Variants in PELI1 observed in about 807,000 individuals in gnomAD.
PELI1 encodes the protein pellino E3 ubiquitin protein ligase 1.
In PELI1, 15 loss-of-function variants were observed where a neutral mutation model predicts 41.3. That is an observed-to-expected ratio of 0.36 (90% CI 0.24 to 0.56). The LOEUF is 0.56. Among genes scored for constraint, PELI1 ranks in the 20% least tolerant of loss-of-function variants. The pLI is 0.82. For synonymous variants in PELI1, 178 were observed against 180.1 expected (o/e 0.99, Z 0.09); for missense variants, 403 against 525.5 (o/e 0.77, Z 2.28).
intron 1 of PELI1, among the ~76,000 whole-genome samples, chr2:64,117,937 G>C (rs1814406): frequency 0.23 from 35,115 of 151,808 alleles, 5,251 homozygotes; most frequent in East Asian, 0.74. Flanking sequence ...AGCCTCCTAA[G>C]TAGCTGGGAC....
chr2:64,120,514 T>C (rs956513177), intron 1 of PELI1, among the ~76,000 whole-genome samples: 4 of 152,278 alleles, frequency 2.6e-5, no homozygotes, highest in Admixed American at 2.0e-4. Context: ...AGATGCTTGA[T>C]ATTCTTTTAT....
intron 4 of PELI1, among the ~76,000 whole-genome samples, chr2:64,099,588 A>T (rs1448996695): frequency 6.6e-6 from 1 of 152,212 alleles, no homozygotes; most frequent in East Asian, 1.9e-4. Flanking sequence ...TTCACTATTG[A>T]CTGAAATTAA....
At chr2:64,107,538 A>C (rs1680660692) in intron 2 of PELI1, among the ~76,000 whole-genome samples, 1 of 152,236 alleles carries the variant, frequency 6.6e-6, no homozygotes, top group South Asian at 2.1e-4. Context: ...CAAAAGAATA[A>C]ATGAAGACTA....
chr2:64,094,868 A>C lies in PELI1; in HGVS notation c.1091T>G (p.Phe364Cys). 6.2e-7 allele frequency: 1 copy of C among 1,614,222 alleles called. No individual in the cohort carries two copies. Among genetic ancestry groups the C allele is most frequent in the Non-Finnish European group, 8.5e-7 (1 of 1,180,044 alleles). The stretch of plus-strand genomic sequence containing the variant: ...TGAACACACATGCCCACACGGGCTA[A>C]ACGCATGGGTTGGAGGGCCGGCGTC... ...YVDAGPPTHAFSPCGHVCSEK... is the reference protein window; with the variant it reads ...YVDAGPPTHACSPCGHVCSEK... Residue 364 changes from phenylalanine to cysteine, a missense_variant, in exon 7 of 7, where the codon TTT (phenylalanine) becomes TGT (cysteine). Phe to Cys is a radical substitution (Grantham distance 205). Transcript: ENST00000358912.
intron 1 of PELI1, among the ~76,000 whole-genome samples, chr2:64,143,729 T>C (rs1681997476): frequency 1.3e-5 from 2 of 152,234 alleles, no homozygotes; most frequent in Non-Finnish European, 1.5e-5. Context: ...CCGCCCCTTT[T>C]GTTTCTCCCA....
chr2:64,139,263 T>C (rs1306545455), intron 1 of PELI1, among the ~76,000 whole-genome samples: 1 of 152,216 alleles, frequency 6.6e-6, no homozygotes, highest in African/African-American at 2.4e-5. Context: ...TTTCTTGCTA[T>C]TAATTTTTTG....
intron 1 of PELI1, among the ~76,000 whole-genome samples, chr2:64,131,407 T>C (rs977173689): frequency 1.3e-5 from 2 of 152,080 alleles, no homozygotes; most frequent in African/African-American, 4.8e-5. Flanking sequence ...GTAAGTGCTA[T>C]GAAAATAGTT....
intron 1 of PELI1, 25 bp from the exon 2 acceptor site, chr2:64,108,404 T>C: frequency 1.3e-6 from 1 of 758,244 alleles, no homozygotes; most frequent in South Asian, 1.5e-5. Flanking sequence ...TTTTCATTAA[T>C]AATGTGAACA....
chr2:64,122,342 T>TAA (rs59972052), intron 1 of PELI1, among the ~76,000 whole-genome samples: 18 of 100,546 alleles, frequency 1.8e-4, no homozygotes, highest in Admixed American at 3.0e-4. Flanking sequence ...CTCTGAAACT[T>TAA]AAAAAAAAAA....
intron 2 of PELI1, among the ~76,000 whole-genome samples, chr2:64,105,705 A>G (rs1439720093): frequency 6.6e-6 from 1 of 152,212 alleles, no homozygotes; most frequent in Non-Finnish European, 1.5e-5. Context: ...GAATTTAAGT[A>G]TGTTTGTCAT....
intron 4 of PELI1, 31 bp from the exon 5 acceptor site, chr2:64,096,641 C>A: frequency 6.9e-7 from 1 of 1,450,392 alleles, no homozygotes; most frequent in South Asian, 1.2e-5. Flanking sequence ...CCTATAAACC[C>A]ATTCAAAGAG....
At chr2:64,113,831 A>G (rs1680903187) in intron 1 of PELI1, among the ~76,000 whole-genome samples, 1 of 152,216 alleles carries the variant, frequency 6.6e-6, no homozygotes, top group South Asian at 2.1e-4. Flanking sequence ...ACTTTGTATA[A>G]TATCTGTCAG....
chr2:64,105,970 A>G (rs2103685703), intron 2 of PELI1, among the ~76,000 whole-genome samples: 1 of 152,340 alleles, frequency 6.6e-6, no homozygotes, highest in East Asian at 1.9e-4. Flanking sequence ...AGCTGAGAAG[A>G]GAGTTTACTC....
chr2:64,110,893 T>A (rs1407464889), intron 1 of PELI1, among the ~76,000 whole-genome samples: 3 of 151,112 alleles, frequency 2.0e-5, no homozygotes, highest in African/African-American at 7.3e-5. Context: ...ACCACTGCAC[T>A]CCAGCCTGGG....
At chr2:64,119,907 C>A (rs1393381310) in intron 1 of PELI1, among the ~76,000 whole-genome samples, 1 of 151,942 alleles carries the variant, frequency 6.6e-6, no homozygotes, top group African/African-American at 2.4e-5. Context: ...TTAAAAAAAA[C>A]ACAAAAATCA....
intron 4 of PELI1, among the ~76,000 whole-genome samples, chr2:64,097,571 T>C (rs1680286161): frequency 1.3e-5 from 2 of 152,088 alleles, no homozygotes; most frequent in African/African-American, 4.8e-5. Context: ...AAAAAGGAAA[T>C]CAATGGGGAG....
At chr2:64,105,454 C>T (rs1045678779) in intron 2 of PELI1, among the ~76,000 whole-genome samples, 2 of 152,100 alleles carry the variant, frequency 1.3e-5, no homozygotes, top group Non-Finnish European at 2.9e-5. Flanking sequence ...CACACACACA[C>T]ATATACATCC....
At chr2:64,095,797 C>T (rs182981629) in intron 6 of PELI1, among the ~76,000 whole-genome samples, 2 of 152,306 alleles carry the variant, frequency 1.3e-5, no homozygotes, top group Admixed American at 6.5e-5. Context: ...GCATGCGCCA[C>T]CATGCCTGGC....
intron 2 of PELI1, among the ~76,000 whole-genome samples, chr2:64,107,320 G>C (rs1389958503): frequency 1.3e-5 from 2 of 152,186 alleles, no homozygotes. Flanking sequence ...GCAAGTTTAA[G>C]TGGAATAAAT....
Sources: allele counts gnomAD v4.1 joint callset (sites outside exome capture counted in the v4.1 genomes callset), GRCh38; gene constraint gnomAD v4.1.1; transcripts MANE v1.5; gene names NCBI Gene and HGNC (gene_info 2026-07-23, HGNC 2026-07-21).